The following CADM2 variants were observed in gnomAD, a reference collection of about 807,000 sequenced individuals.
The protein encoded by CADM2 is cell adhesion molecule 2.
Under a neutral mutation model 49.8 loss-of-function variants are expected in CADM2, and 12 were observed. That is an observed-to-expected ratio of 0.24 (90% CI 0.15 to 0.39). The LOEUF (loss-of-function observed/expected upper bound fraction) is 0.39, where lower values mean the gene tolerates loss of function less well. Ranked by LOEUF, CADM2 falls within the 10% of genes least tolerant of loss-of-function variation. CADM2 has a pLI of 1.00. For missense variants in CADM2, 378 were observed against 492.3 expected (o/e 0.77, Z 2.20); for synonymous variants, 214 against 175.4 (o/e 1.22, Z -1.74).
At position 85,261,979 on chromosome 3, in the gene CADM2, G is replaced by C. The variant is rs60000756; in HGVS notation, c.61+302311G>C. ...TGTTACACTCAATAATTCTCTTTAGGTGAGACACTTCCACATCTTTAAAAA... is the reference window on the plus strand; with the variant it reads ...TGTTACACTCAATAATTCTCTTTAGCTGAGACACTTCCACATCTTTAAAAA... On this transcript the variant is annotated intron_variant, in intron 1 of 9. Coordinates refer to ENST00000383699, the MANE Select transcript of CADM2 (RefSeq NM_001167675.2). Among the ~76,000 whole-genome samples the C allele has an allele frequency of 6.4e-3, 978 of 151,720 alleles. 14 individuals are homozygous for C. Among genetic ancestry groups the C allele is most frequent in the African/African-American group, 0.022 (913 of 41,374 alleles).
chr3:85,797,384 C>T (rs1184815028), intron 2 of CADM2, among the ~76,000 whole-genome samples: 1 of 152,122 alleles, frequency 6.6e-6, no homozygotes, highest in African/African-American at 2.4e-5. Context: ...TTAAGTATTT[C>T]TCCAAATGCT....
intron 1 of CADM2, among the ~76,000 whole-genome samples, chr3:85,019,085 T>C (rs113596972): frequency 1.8e-4 from 27 of 152,130 alleles, no homozygotes; most frequent in African/African-American, 6.3e-4. Context: ...TGCTAGAAAT[T>C]TGGTTTGTGA....
intron 1 of CADM2, among the ~76,000 whole-genome samples, chr3:85,129,764 C>T (rs1434100446): frequency 6.6e-6 from 1 of 152,196 alleles, no homozygotes; most frequent in Non-Finnish European, 1.5e-5. Flanking sequence ...TGTGATCCCA[C>T]ACTTTACGTA....
Position 86,019,973 on chromosome 3 carries a change from C to G in CADM2, c.971-45632C>G, listed in dbSNP as rs547540241. On this transcript the variant is annotated intron_variant, in intron 8 of 9. Coordinates refer to ENST00000383699, the MANE Select transcript of CADM2 (RefSeq NM_001167675.2). ...AACACATTCAAAAGCTAGCAGAAGG[C>G]AAGAAATAACTAAAATCAGAACAGA... Among the ~76,000 whole-genome samples the G allele has an allele frequency of 4.1e-3, 629 of 152,008 alleles. 2 individuals carry two copies. The highest frequency in any genetic ancestry group is 0.017 in the Middle Eastern group (5 of 294).
chr3:84,997,517 G>A (rs550797533), intron 1 of CADM2, among the ~76,000 whole-genome samples: 12 of 151,832 alleles, frequency 7.9e-5, no homozygotes, highest in African/African-American at 1.7e-4. Context: ...TGAGAAAAAT[G>A]TTGGCTATTT....
At chr3:85,686,976 G>A (rs1053107511) in intron 1 of CADM2, among the ~76,000 whole-genome samples, 2 of 152,090 alleles carry the variant, frequency 1.3e-5, no homozygotes, top group Non-Finnish European at 2.9e-5. Flanking sequence ...TGACCACCTT[G>A]GGCACATGTG....
intron 1 of CADM2, among the ~76,000 whole-genome samples, chr3:85,615,307 A>C (rs2063772987): frequency 6.6e-6 from 1 of 151,944 alleles, no homozygotes; most frequent in South Asian, 2.1e-4. Context: ...CAGGATTAAT[A>C]TTTTCCAGAA....
chr3:85,229,362 C>T (rs529471350), intron 1 of CADM2, among the ~76,000 whole-genome samples: 79 of 152,286 alleles, frequency 5.2e-4, no homozygotes, highest in African/African-American at 1.6e-3. Context: ...CAGTCTCTCA[C>T]GGCTTCCCTT....
At chr3:85,481,815 T>G (rs2039225356) in intron 1 of CADM2, among the ~76,000 whole-genome samples, 1 of 137,310 alleles carries the variant, frequency 7.3e-6, no homozygotes, top group African/African-American at 3.4e-5. Flanking sequence ...CATTCTTGGT[T>G]TTTTTTTTTT....
At chr3:85,027,262 C>G (rs1464011202) in intron 1 of CADM2, among the ~76,000 whole-genome samples, 1 of 151,388 alleles carries the variant, frequency 6.6e-6, no homozygotes, top group Non-Finnish European at 1.5e-5. Flanking sequence ...CGTCAAGCGC[C>G]CGCCACCAAG....
Position 85,840,381 on chromosome 3 carries a change from C to A in CADM2, c.238+38185C>A, listed in dbSNP as rs149149711. Among the ~76,000 whole-genome samples, 274 of 151,956 alleles carry A rather than the reference C, an allele frequency of 1.8e-3. 1 individual carries two copies. The highest frequency in any genetic ancestry group is 6.5e-3 in the African/African-American group (269 of 41,516). ...ATGTGGTGTTCACCAAAAGCGGTCA[C>A]CTAAGACTTACAATACTAAATTGTG... On this transcript the variant is annotated intron_variant, in intron 3 of 9. Transcript: ENST00000383699.
intron 8 of CADM2, among the ~76,000 whole-genome samples, chr3:86,022,972 T>C (rs1202804319): frequency 7.2e-5 from 11 of 152,116 alleles, no homozygotes; most frequent in African/African-American, 2.4e-4. Context: ...ACCTGCCCAC[T>C]GAGTCTATAC....
intron 1 of CADM2, among the ~76,000 whole-genome samples, chr3:85,096,042 A>G (rs1216713799): frequency 6.6e-6 from 1 of 152,072 alleles, no homozygotes; most frequent in Non-Finnish European, 1.5e-5. Flanking sequence ...TAGAGGGGAG[A>G]AGTCAATGTG....
chr3:85,884,625 C>CA (rs1713288129), intron 4 of CADM2, among the ~76,000 whole-genome samples: 1 of 151,414 alleles, frequency 6.6e-6, no homozygotes, highest in South Asian at 2.1e-4. Flanking sequence ...TAGGTGAAGA[C>CA]AAAAAATGTT....
At position 85,893,792 on chromosome 3, in the gene CADM2, A is replaced by G. The variant is rs551017882; in HGVS notation, c.529+7465A>G. Among the ~76,000 whole-genome samples the G allele has an allele frequency of 9.6e-3, 1,458 of 152,300 alleles. 13 individuals carry two copies. Among genetic ancestry groups the G allele is most frequent in the Middle Eastern group, 0.044 (13 of 294 alleles). On this transcript the variant is annotated intron_variant, in intron 5 of 9. Coordinates refer to ENST00000383699, the MANE Select transcript of CADM2 (RefSeq NM_001167675.2). ...CAGAGAAATGCAAATCAAAACCACAATGAGATACCATCTCACACCAGTTAG... is the reference window on the plus strand; with the variant it reads ...CAGAGAAATGCAAATCAAAACCACAGTGAGATACCATCTCACACCAGTTAG...
chr3:85,357,865 G>C (rs1054191410), intron 1 of CADM2, among the ~76,000 whole-genome samples: 13 of 152,222 alleles, frequency 8.5e-5, no homozygotes, highest in Middle Eastern at 3.4e-3. Flanking sequence ...AGTCACATCA[G>C]ACATGATTGA....
chr3:85,979,632 G>A (rs984774562), intron 8 of CADM2, among the ~76,000 whole-genome samples: 10 of 151,578 alleles, frequency 6.6e-5, no homozygotes, highest in African/African-American at 2.4e-4. Flanking sequence ...TGCAGAGGTA[G>A]CTTTTACTTT....
rs192478254 is a variant in CADM2 at position 85,157,630 on chromosome 3, T to G, written c.61+197962T>G. On this transcript the variant is annotated intron_variant, in intron 1 of 9. Transcript: ENST00000383699. ...AATAAATGGTGCTGGGAAAACTGGC[T>G]AGCCATATGTAGAAAGCTGAAACTG... Among the ~76,000 whole-genome samples, 56 of 152,214 alleles carry G rather than the reference T, an allele frequency of 3.7e-4. 2 individuals are homozygous for G. In the East Asian group the frequency reaches 0.011, roughly 29 times the overall value.
Position 85,630,230 on chromosome 3 carries a change from A to T in CADM2, c.62-96292A>T, listed in dbSNP as rs551473231. 3.0e-4 allele frequency among the ~76,000 whole-genome samples: 45 copies of T among 151,942 alleles called. 1 individual carries two copies. In the East Asian group the frequency reaches 8.7e-3, roughly 29 times the overall value. On this transcript the variant is annotated intron_variant, in intron 1 of 9. Transcript: ENST00000383699. ...ATGTTCTCTGGTTTGATCTTTTTTTATCTCACCCCAGGTCTGTTTTCCCAG... is the reference window on the plus strand; with the variant it reads ...ATGTTCTCTGGTTTGATCTTTTTTTTTCTCACCCCAGGTCTGTTTTCCCAG...
Sources: gnomAD v4.1 joint callset for allele counts (sites outside exome capture counted in the v4.1 genomes callset) on GRCh38, gnomAD v4.1.1 for gene constraint, MANE v1.5 for transcripts, NCBI Gene and HGNC (gene_info 2026-07-23, HGNC 2026-07-21) for gene names.